Variants in ATP13A3 observed in about 807,000 individuals in gnomAD.
ATP13A3 encodes the protein polyamine-transporting ATPase 13A3.
ATP13A3 carries 59 observed loss-of-function variants against 158.1 expected under a neutral mutation model. The ratio of observed to expected loss-of-function variants is 0.37; its 90% CI spans 0.30 to 0.46. The LOEUF (loss-of-function observed/expected upper bound fraction) is 0.46. Among genes scored for constraint, ATP13A3 ranks in the 20% least tolerant of loss-of-function variants. The probability of loss-of-function intolerance (pLI) is 1.00; values close to 1 mark genes in which losing one functional copy is unlikely to be tolerated. For missense variants in ATP13A3, 1,166 were observed against 1,525.2 expected, an observed-to-expected ratio of 0.76 and a Z score of 3.92; for synonymous variants, 491 against 504.3, an observed-to-expected ratio of 0.97 and a Z score of 0.35.
chr3:194,481,075 T>C (rs747911732), intron 2 of ATP13A3, among the ~76,000 whole-genome samples: 2 of 152,214 alleles, frequency 1.3e-5, no homozygotes, highest in Non-Finnish European at 2.9e-5. Context: ...AGGATTTTTA[T>C]CTGAGAATTT....
intron 7 of ATP13A3, 87 bp downstream of exon 7, chr3:194,457,007 G>T: frequency 1.1e-6 from 1 of 882,928 alleles, no homozygotes; most frequent in Non-Finnish European, 1.8e-6. Flanking sequence ...CTGTTAATAT[G>T]TACAACTATA....
At position 194,410,328 on chromosome 3, in the gene ATP13A3, A is replaced by AAAAC. The variant is rs1362810903; in HGVS notation, c.3573+1867_3573+1870dup. ...AAAAAAAAAAAAAAAAAAAAAAAAA[A>AAAAC]AAACTGCTGGGCCTGGGATGGCATG... On this transcript the variant is annotated intron_variant, in intron 33 of 33. Coordinates refer to ENST00000645319, the MANE Select transcript of ATP13A3 (RefSeq NM_001367549.1). Among the ~76,000 whole-genome samples, 8 of 148,950 alleles carry AAAAC rather than the reference A, an allele frequency of 5.4e-5. No individual in the cohort carries two copies. In the South Asian group the frequency reaches 6.3e-4, roughly 12 times the overall value.
chr3:194,450,737 C>T (rs1718748490), intron 10 of ATP13A3: 3 of 155,966 alleles, frequency 1.9e-5, no homozygotes, highest in South Asian at 3.9e-4. Context: ...CCTTTTCTCA[C>T]TGCCACTATT....
At chr3:194,419,265 T>C (rs1200132255) in intron 31 of ATP13A3, among the ~76,000 whole-genome samples, 6 of 152,162 alleles carry the variant, frequency 3.9e-5, no homozygotes, top group African/African-American at 1.4e-4. Flanking sequence ...GGTAAGTATA[T>C]AATGAAACAG....
intron 16 of ATP13A3, among the ~76,000 whole-genome samples, chr3:194,439,307 C>A (rs1717879754): frequency 6.6e-6 from 1 of 152,154 alleles, no homozygotes; most frequent in Admixed American, 6.5e-5. Flanking sequence ...ATAAAAGGTT[C>A]TTGTAGTCCC....
intron 6 of ATP13A3, 98 bp from the exon 7 acceptor site, chr3:194,457,272 C>A (rs1033713362): frequency 1.2e-6 from 1 of 828,090 alleles, no homozygotes; most frequent in Non-Finnish European, 1.9e-6. Context: ...AAAGGTGTGA[C>A]TTCCTTACAA....
chr3:194,463,148 G>T (rs1719773619), intron 2 of ATP13A3, among the ~76,000 whole-genome samples: 1 of 152,142 alleles, frequency 6.6e-6, no homozygotes, highest in South Asian at 2.1e-4. Context: ...CAATCGCTAT[G>T]GCAGGTTTAC....
At chr3:194,412,596 G>T (rs1272798013) in intron 32 of ATP13A3, 2 of 322,548 alleles carry the variant, frequency 6.2e-6, no homozygotes, top group Non-Finnish European at 1.2e-5. Context: ...CTTCACAATG[G>T]TTATTTTCAT....
At position 194,431,855 on chromosome 3, in the gene ATP13A3, A is replaced by G. The variant is rs747006356; in HGVS notation, c.2283T>C (p.Asp761=). The change falls in exon 22 of 34, where the codon GAT becomes GAC. Residue 761 remains aspartate (D), a synonymous_variant. Coordinates refer to ENST00000645319, the MANE Select transcript of ATP13A3 (RefSeq NM_001367549.1). The part of the protein sequence containing the change: ...SMLTAVSVAR[D]CGMILPQDKV... ...TATCCTGAGGTAGAATCATTCCACAATCTCTGGCCACAGAGACAGCAGTCA... is the reference window on the plus strand; with the variant it reads ...TATCCTGAGGTAGAATCATTCCACAGTCTCTGGCCACAGAGACAGCAGTCA... 1 of 1,606,946 alleles carries G rather than the reference A, an allele frequency of 6.2e-7. No individual in the cohort carries two copies. The highest frequency in any genetic ancestry group is 8.5e-7 in the Non-Finnish European group (1 of 1,177,764).
chr3:194,453,404 G>A (rs570267325), intron 10 of ATP13A3, among the ~76,000 whole-genome samples: 22 of 150,926 alleles, frequency 1.5e-4, no homozygotes, highest in African/African-American at 5.4e-4. Context: ...ACCAGACTGG[G>A]CAACATGGCA....
chr3:194,470,659 TGAGA>T (rs1222441830), intron 2 of ATP13A3, among the ~76,000 whole-genome samples: 2 of 152,238 alleles, frequency 1.3e-5, no homozygotes, highest in African/African-American at 2.4e-5. Context: ...CTTACGTCAC[TGAGA>T]GATTTTCTAT....
chr3:194,427,798 AAAAT>A (rs1298339043), intron 28 of ATP13A3, among the ~76,000 whole-genome samples: 5 of 152,190 alleles, frequency 3.3e-5, no homozygotes, highest in Non-Finnish European at 7.3e-5. Flanking sequence ...AACTACAGTT[AAAAT>A]AATACACACT....
At chr3:194,414,961 G>A (rs1160267427) in intron 31 of ATP13A3, among the ~76,000 whole-genome samples, 3 of 152,182 alleles carry the variant, frequency 2.0e-5, no homozygotes, top group Non-Finnish European at 4.4e-5. Flanking sequence ...GTGATTACAG[G>A]TGAAGCCATG....
intron 2 of ATP13A3, among the ~76,000 whole-genome samples, chr3:194,477,759 T>C (rs1479002800): frequency 6.6e-6 from 1 of 152,194 alleles, no homozygotes; most frequent in Non-Finnish European, 1.5e-5. Flanking sequence ...TAGGAGTCTC[T>C]TCCTGACTGG....
At chr3:194,428,661 T>C (rs975542371) in intron 28 of ATP13A3, among the ~76,000 whole-genome samples, 184 bp downstream of exon 28, 2 of 151,926 alleles carry the variant, frequency 1.3e-5, no homozygotes, top group South Asian at 2.1e-4. Flanking sequence ...GGGAAAAAAA[T>C]AGAGACAGAA....
At chr3:194,445,331 C>G (rs1718330614) in intron 14 of ATP13A3, among the ~76,000 whole-genome samples, 1 of 152,098 alleles carries the variant, frequency 6.6e-6, no homozygotes, top group South Asian at 2.1e-4. Flanking sequence ...GAAAAATCAA[C>G]TAGTAAAAAT....
At chr3:194,413,932 G>A in intron 31 of ATP13A3, 93 bp from the exon 32 acceptor site, 1 of 1,085,374 alleles carries the variant, frequency 9.2e-7, no homozygotes, top group Non-Finnish European at 1.4e-6. Context: ...GAATTCCTAT[G>A]ATGTACCAAA....
At chr3:194,410,296 CAAAAAAAAAAAAAAAA>C (rs772008929) in intron 33 of ATP13A3, among the ~76,000 whole-genome samples, 29 of 21,824 alleles carry the variant, frequency 1.3e-3, no homozygotes, top group South Asian at 7.0e-3. Context: ...CTCCTCTCTG[CAAAAAAAAAAAAAAAA>C]AAAAAAAAAA....
chr3:194,419,906 T>C lies in ATP13A3; in HGVS notation c.3375A>G (p.Pro1125=). Residue 1125 remains proline, a synonymous_variant, in exon 31 of 34, where the codon CCA becomes CCG. Transcript: ENST00000645319. ...YIFILFIMLY[P]VASVDQVLQI... The stretch of plus-strand genomic sequence containing the variant: ...GAAGAACCTGGTCAACAGAGGCAAC[T>C]GGATACAACATGATGAATAATATAA... The C allele has an allele frequency of 6.4e-7, 1 of 1,560,002 alleles. No homozygotes were observed. Among genetic ancestry groups the C allele is most frequent in the South Asian group, 1.2e-5 (1 of 80,040 alleles).
Sources: gnomAD v4.1 joint callset for allele counts (sites outside exome capture counted in the v4.1 genomes callset) on GRCh38, gnomAD v4.1.1 for gene constraint, MANE v1.5 for transcripts, NCBI Gene and HGNC (gene_info 2026-07-23, HGNC 2026-07-21) for gene names.